The following NAV2 variants were observed in gnomAD, a reference collection of about 807,000 sequenced individuals.
NAV2 encodes the protein neuron navigator 2, also known as helicase, APC down-regulated 1.
Under a neutral mutation model 223.2 loss-of-function variants are expected in NAV2, and 54 were observed. That is an observed-to-expected ratio of 0.24 (90% CI 0.19 to 0.30). The LOEUF (loss-of-function observed/expected upper bound fraction) is 0.30, where lower values mean the gene tolerates loss of function less well. Ranked by LOEUF, NAV2 falls within the 10% of genes least tolerant of loss-of-function variation. The pLI is 1.00. For missense variants in NAV2, 2,806 were observed against 3,147.5 expected (o/e 0.89, Z 2.60); for synonymous variants, 1,279 against 1,239.3 (o/e 1.03, Z -0.67).
rs549718416 is a variant in NAV2 at position 19,728,431 on chromosome 11, T to C, written c.267+14469T>C. Among the ~76,000 whole-genome samples, 4 of 152,346 alleles carry C rather than the reference T, an allele frequency of 2.6e-5. No homozygotes were observed. In the East Asian group the frequency reaches 7.7e-4, roughly 29 times the overall value. ...CTTAGGGCTCTGCAGGAGATTCTGA[T>C]GCACACCCTGGGGTGAGATCTGAAT... On this transcript the variant is annotated intron_variant, in intron 1 of 37. Transcript: ENST00000349880.
At chr11:19,765,198 T>G (rs190688165) in intron 1 of NAV2, among the ~76,000 whole-genome samples, 37 of 152,320 alleles carry the variant, frequency 2.4e-4, no homozygotes, top group African/African-American at 8.4e-4. Context: ...GAAATAAAAT[T>G]TAAATGGCTT....
chr11:19,672,204 A>G (rs2048592579), intron 1 of NAV2, among the ~76,000 whole-genome samples: 1 of 152,232 alleles, frequency 6.6e-6, no homozygotes, highest in Admixed American at 6.5e-5. Context: ...AGCAAAGTGC[A>G]GTGCACAGTC....
intron 6 of NAV2, among the ~76,000 whole-genome samples, chr11:19,917,880 G>A (rs547086239): frequency 6.6e-6 from 1 of 152,226 alleles, no homozygotes; most frequent in Non-Finnish European, 1.5e-5. Flanking sequence ...GCCTCCAAAA[G>A]TGCTGGGATT....
intron 1 of NAV2, among the ~76,000 whole-genome samples, chr11:19,729,606 G>T (rs2051565344): frequency 6.6e-6 from 1 of 152,210 alleles, no homozygotes; most frequent in African/African-American, 2.4e-5. Context: ...GCAGCCTGCA[G>T]TGGTAGACCT....
At chr11:19,444,884 T>A (rs1851528448) in intron 1 of NAV2, among the ~76,000 whole-genome samples, 1 of 152,182 alleles carries the variant, frequency 6.6e-6, no homozygotes, top group Non-Finnish European at 1.5e-5. Context: ...GTGAATTACT[T>A]AAACTTTTTT....
intron 1 of NAV2, among the ~76,000 whole-genome samples, chr11:19,628,664 C>T (rs1397609611): frequency 1.3e-5 from 2 of 152,158 alleles, no homozygotes; most frequent in Non-Finnish European, 2.9e-5. Context: ...CACTCATTCC[C>T]ATACACTTAC....
At chr11:20,086,599 G>A (rs2060464324) in intron 26 of NAV2, among the ~76,000 whole-genome samples, 1 of 152,070 alleles carries the variant, frequency 6.6e-6, no homozygotes, top group Non-Finnish European at 1.5e-5. Context: ...CAGATCTACA[G>A]TAGAAGCTCC....
chr11:19,933,388 G>A lies in NAV2; in HGVS notation c.1144G>A (p.Glu382Lys), dbSNP rs2045565389. ...GCTCTCGGTCAAGCCTCCTGGGCCT[G>A]AGGCCCCCAGGCCCACACCTGAAGC... ...SMLSVKPPGPEAPRPTPEAMK... is the reference protein window; with the variant it reads ...SMLSVKPPGPKAPRPTPEAMK... The change falls in exon 7 of 38, where the codon GAG becomes AAG. Residue 382 changes from glutamate to lysine, a missense_variant. Glu to Lys is a moderately conservative substitution (Grantham distance 56, BLOSUM62 1). This residue lies in a region of NAV2 where 1,167 missense variants were observed against 1,180.5 expected (regional missense o/e 0.99). Transcript: ENST00000349880. This position sits in a 1 kb window ranked among gnomAD's most constrained non-coding sequence, Gnocchi z 4.3. The A allele has an allele frequency of 6.3e-7, 1 of 1,584,124 alleles. No individual in the cohort carries two copies. Among genetic ancestry groups the A allele is most frequent in the Non-Finnish European group, 8.6e-7 (1 of 1,164,382 alleles).
Position 20,105,623 on chromosome 11 carries a change from G to A in NAV2, c.6737G>A (p.Arg2246Gln), listed in dbSNP as rs186895565. 3.1e-6 allele frequency: 5 copies of A among 1,614,044 alleles called. No homozygotes were observed. The highest frequency in any genetic ancestry group is 3.3e-5 in the Admixed American group (2 of 60,018). The change falls in exon 35 of 38, where the codon CGG (arginine) becomes CAG (glutamine). Residue 2246 changes from arginine to glutamine, a missense_variant. Coordinates refer to ENST00000349880, the MANE Select transcript of NAV2 (RefSeq NM_145117.5). ...CTCATGGAAACAGAGATCAGTGGGC[G>A]GGTGCGCAATATGGAGCTGGTAAAA... Reference protein sequence around the residue: ...RKLMETEISGRVRNMELVKII... With the variant: ...RKLMETEISGQVRNMELVKII...
chr11:19,519,491 G>A (rs150667601), intron 1 of NAV2, among the ~76,000 whole-genome samples: 258 of 152,334 alleles, frequency 1.7e-3, no homozygotes, highest in African/African-American at 4.3e-3. Context: ...CACAGAGCTC[G>A]GAGACGGTAG....
chr11:19,346,060 G>T (rs1036308895), upstream of NAV2, among the ~76,000 whole-genome samples: 8 of 152,128 alleles, frequency 5.3e-5, no homozygotes, highest in African/African-American at 1.9e-4. Flanking sequence ...CTAGTCTTTA[G>T]GTGTATCTAT....
intron 1 of NAV2, among the ~76,000 whole-genome samples, chr11:19,540,184 C>T (rs7931170): frequency 0.17 from 26,407 of 151,992 alleles, 4,287 homozygotes; most frequent in African/African-American, 0.43. Flanking sequence ...GCAGTGGCTG[C>T]CACCACCCAC....
At chr11:19,455,143 G>A (rs530069899) in intron 1 of NAV2, among the ~76,000 whole-genome samples, 36 of 152,318 alleles carry the variant, frequency 2.4e-4, no homozygotes, top group African/African-American at 8.2e-4. Flanking sequence ...GAACTGGTAG[G>A]TCTTGGTAGG....
chr11:19,776,997 C>T (rs2056280285), intron 1 of NAV2, among the ~76,000 whole-genome samples: 1 of 152,040 alleles, frequency 6.6e-6, no homozygotes, highest in South Asian at 2.1e-4. Flanking sequence ...CCCTTCGCGC[C>T]CACCGGCGGC....
At chr11:19,697,263 C>T (rs2049370791) in intron 1 of NAV2, among the ~76,000 whole-genome samples, 1 of 152,144 alleles carries the variant, frequency 6.6e-6, no homozygotes, top group African/African-American at 2.4e-5. Context: ...ACAATAGACA[C>T]TAGGGATTGC....
intron 1 of NAV2, among the ~76,000 whole-genome samples, chr11:19,701,853 G>A (rs1330339096): frequency 6.6e-6 from 1 of 152,186 alleles, no homozygotes; most frequent in East Asian, 1.9e-4. Context: ...GGAAATCAAT[G>A]CAGCTGTTTA....
At chr11:19,644,493 A>G (rs2047762391) in intron 1 of NAV2, among the ~76,000 whole-genome samples, 1 of 152,212 alleles carries the variant, frequency 6.6e-6, no homozygotes, top group Non-Finnish European at 1.5e-5. Flanking sequence ...AAGCTAAAGG[A>G]AGTGGGAGCC....
intron 1 of NAV2, among the ~76,000 whole-genome samples, chr11:19,625,241 C>T (rs2047131361): frequency 6.6e-6 from 1 of 152,182 alleles, no homozygotes; most frequent in Non-Finnish European, 1.5e-5. Context: ...TTCTTAGTCT[C>T]TAGTATCCTC....
intron 1 of NAV2, among the ~76,000 whole-genome samples, chr11:19,702,932 A>T (rs937208725): frequency 1.3e-5 from 2 of 150,974 alleles, no homozygotes; most frequent in African/African-American, 4.8e-5. Flanking sequence ...CCAACTTTTA[A>T]AAATAATGGT....
Sources: gnomAD v4.1 joint callset for allele counts (sites outside exome capture counted in the v4.1 genomes callset) on GRCh38, gnomAD v4.1.1 for gene constraint, gnomAD v4.1.1 regional missense constraint, Gnocchi (gnomAD v3.1) non-coding constraint, MANE v1.5 for transcripts, NCBI Gene and HGNC (gene_info 2026-07-23, HGNC 2026-07-21) for gene names.